The following OPCML variants were observed in gnomAD, a reference collection of about 807,000 sequenced individuals.
OPCML encodes opioid-binding protein/cell adhesion molecule.
Under a neutral mutation model 37.8 loss-of-function variants are expected in OPCML, and 13 were observed. The ratio of observed to expected loss-of-function variants is 0.34; its 90% CI spans 0.22 to 0.55. The LOEUF (loss-of-function observed/expected upper bound fraction) is 0.55, where lower values mean the gene tolerates loss of function less well. OPCML is among the 20% of genes least tolerant of loss of function. OPCML has a pLI of 0.91. For missense variants in OPCML, 341 were observed against 435.6 expected (o/e 0.78, Z 1.93); for synonymous variants, 176 against 168.8 (o/e 1.04, Z -0.33).
At chr11:132,657,805 C>A (rs1478519786) in intron 2 of OPCML, among the ~76,000 whole-genome samples, 1 of 152,168 alleles carries the variant, frequency 6.6e-6, no homozygotes, top group Non-Finnish European at 1.5e-5. Flanking sequence ...TCTCCTTATA[C>A]CCCTAAGCAG....
chr11:132,707,709 A>T (rs960370003), intron 2 of OPCML, among the ~76,000 whole-genome samples: 2 of 152,198 alleles, frequency 1.3e-5, no homozygotes, highest in Non-Finnish European at 2.9e-5. Flanking sequence ...TCACTTACAT[A>T]TTCTCTGAGT....
intron 1 of OPCML, among the ~76,000 whole-genome samples, chr11:133,239,886 T>G (rs1940660432): frequency 6.6e-6 from 1 of 151,982 alleles, no homozygotes; most frequent in Admixed American, 6.6e-5. Flanking sequence ...CAAGCTTTTA[T>G]AAAAAGGAAT....
chr11:132,555,653 G>A (rs117064473), intron 3 of OPCML, among the ~76,000 whole-genome samples: 1 of 152,234 alleles, frequency 6.6e-6, no homozygotes, highest in Non-Finnish European at 1.5e-5. Context: ...AAACCCTCAA[G>A]TCTGAAGAAA....
intron 1 of OPCML, among the ~76,000 whole-genome samples, chr11:133,457,536 A>G (rs1946698580): frequency 6.6e-6 from 1 of 151,960 alleles, no homozygotes; most frequent in African/African-American, 2.4e-5. Flanking sequence ...GAGACCATAT[A>G]TCTATGGCCT....
chr11:132,894,330 C>A (rs557428402), intron 2 of OPCML, among the ~76,000 whole-genome samples: 2 of 152,306 alleles, frequency 1.3e-5, no homozygotes, highest in African/African-American at 4.8e-5. Flanking sequence ...AACTTTCTGG[C>A]TGATTCTTAT....
intron 2 of OPCML, among the ~76,000 whole-genome samples, chr11:132,800,867 T>G (rs2136202059): frequency 6.6e-6 from 1 of 152,290 alleles, no homozygotes; most frequent in Admixed American, 6.5e-5. Context: ...TTTTTACATG[T>G]GATGTACTTG....
intron 1 of OPCML, among the ~76,000 whole-genome samples, chr11:133,411,237 C>T (rs1434288233): frequency 1.3e-5 from 2 of 152,144 alleles, no homozygotes; most frequent in Admixed American, 6.5e-5. Flanking sequence ...GGGAAGTACA[C>T]ATGAGAGAGC....
intron 4 of OPCML, among the ~76,000 whole-genome samples, chr11:132,470,039 G>A (rs986423168): frequency 1.3e-5 from 2 of 152,048 alleles, no homozygotes; most frequent in Non-Finnish European, 2.9e-5. Flanking sequence ...TGCAAGAGAT[G>A]TTTGAATTTC....
At chr11:133,504,344 T>C (rs945183929) in intron 1 of OPCML, among the ~76,000 whole-genome samples, 5 of 152,186 alleles carry the variant, frequency 3.3e-5, no homozygotes, top group Non-Finnish European at 7.3e-5. Flanking sequence ...AGAGACTGGA[T>C]GAGGTTCACA....
chr11:132,619,829 G>A (rs1227481673), intron 3 of OPCML, among the ~76,000 whole-genome samples: 1 of 141,268 alleles, frequency 7.1e-6, no homozygotes, highest in East Asian at 2.1e-4. Flanking sequence ...TCCAATCTGG[G>A]TGACAGAGCC....
intron 1 of OPCML, among the ~76,000 whole-genome samples, chr11:133,055,351 A>G (rs1417683981): frequency 6.6e-6 from 1 of 150,594 alleles, no homozygotes; most frequent in Non-Finnish European, 1.5e-5. Flanking sequence ...AGCCACCTCT[A>G]CTGTACAATG....
chr11:133,196,397 TC>T (rs1938538245), intron 1 of OPCML, among the ~76,000 whole-genome samples: 1 of 152,324 alleles, frequency 6.6e-6, no homozygotes, highest in African/African-American at 2.4e-5. Context: ...CACCCAGCGA[TC>T]CTTTCAGAGG....
At position 132,461,912 on chromosome 11, in the gene OPCML, A is replaced by G. The variant is rs376539012; in HGVS notation, c.506-24553T>C. Among the ~76,000 whole-genome samples the G allele has an allele frequency of 1.7e-4, 26 of 152,318 alleles. No homozygotes were observed. The South Asian group carries it at 5.0e-3, about 29-fold the overall frequency. ...GAACAGCATGAGGGTAACCACGCCC[A>G]TGATTAAATTACCCTTCACTGGGTC... On this transcript the variant is annotated intron_variant, in intron 4 of 7. Transcript: ENST00000524381.
At chr11:133,032,528 C>T (rs909101991) in intron 1 of OPCML, among the ~76,000 whole-genome samples, 2 of 152,146 alleles carry the variant, frequency 1.3e-5, no homozygotes, top group African/African-American at 2.4e-5. Context: ...GACATTGATG[C>T]CTCAAATGTA....
intron 2 of OPCML, among the ~76,000 whole-genome samples, chr11:132,808,590 C>T (rs1939153014): frequency 6.6e-6 from 1 of 152,162 alleles, no homozygotes; most frequent in South Asian, 2.1e-4. Flanking sequence ...TGTGATGAAG[C>T]TTCCACTTTC....
At chr11:132,724,524 C>A (rs1037388770) in intron 2 of OPCML, among the ~76,000 whole-genome samples, 6 of 152,074 alleles carry the variant, frequency 3.9e-5, no homozygotes, top group African/African-American at 1.2e-4. Flanking sequence ...GGGGACACAG[C>A]CAAACCATAT....
At chr11:132,858,636 G>A (rs1169673759) in intron 2 of OPCML, among the ~76,000 whole-genome samples, 1 of 152,128 alleles carries the variant, frequency 6.6e-6, no homozygotes, top group East Asian at 1.9e-4. Flanking sequence ...TCCCATCCAA[G>A]TCCTGACTCT....
rs80055178 is a variant in OPCML at position 132,870,930 on chromosome 11, A to G, written c.146+71996T>C. 8.8e-3 allele frequency among the ~76,000 whole-genome samples: 1,340 copies of G among 152,310 alleles called. 14 individuals carry two copies. The highest frequency in any genetic ancestry group is 0.016 in the Non-Finnish European group (1,068 of 68,018). ...GTGTGGCTTATGAACATGTTGTTCAAAGGACAGAAAATTTTAGTTGAACAG... is the reference window on the plus strand; with the variant it reads ...GTGTGGCTTATGAACATGTTGTTCAGAGGACAGAAAATTTTAGTTGAACAG... On this transcript the variant is annotated intron_variant, in intron 2 of 7. Coordinates refer to ENST00000524381, the MANE Select transcript of OPCML (RefSeq NM_001012393.5).
intron 3 of OPCML, among the ~76,000 whole-genome samples, chr11:132,619,822 A>G (rs1047985638): frequency 1.3e-5 from 2 of 150,028 alleles, no homozygotes; most frequent in African/African-American, 2.5e-5. Context: ...ACTGCACTCC[A>G]ATCTGGGTGA....
Sources: gnomAD v4.1 joint callset for allele counts (sites outside exome capture counted in the v4.1 genomes callset) on GRCh38, gnomAD v4.1.1 for gene constraint, MANE v1.5 for transcripts, NCBI Gene and HGNC (gene_info 2026-07-23, HGNC 2026-07-21) for gene names.